SLC7A8: variants seen among roughly 807,000 people sequenced by gnomAD.
The protein encoded by SLC7A8 is large neutral amino acids transporter small subunit 2.
SLC7A8 carries 30 observed loss-of-function variants against 51.2 expected under a neutral mutation model. The ratio of observed to expected loss-of-function variants is 0.59; its 90% CI spans 0.44 to 0.80. The LOEUF is 0.80. SLC7A8 is among the 30% of genes least tolerant of loss of function. SLC7A8 has a pLI of 0.00. For missense variants in SLC7A8, 612 were observed against 674.4 expected (o/e 0.91, Z 1.03); for synonymous variants, 257 against 275.8 (o/e 0.93, Z 0.67).
chr14:23,137,737 C>T (rs1325599367), intron 7 of SLC7A8, among the ~76,000 whole-genome samples, 184 bp downstream of exon 7: 1 of 152,112 alleles, frequency 6.6e-6, no homozygotes, highest in Non-Finnish European at 1.5e-5. Flanking sequence ...ACCACGTGAG[C>T]AGCACACACT....
chr14:23,174,803 A>G (rs1229237149), intron 1 of SLC7A8, among the ~76,000 whole-genome samples: 1 of 152,182 alleles, frequency 6.6e-6, no homozygotes, highest in Admixed American at 6.5e-5. Context: ...GCGTTCTGGA[A>G]GGGGAAAGAA....
chr14:23,142,007 T>C (rs546323253), intron 4 of SLC7A8, among the ~76,000 whole-genome samples: 1 of 152,376 alleles, frequency 6.6e-6, no homozygotes, highest in South Asian at 2.1e-4. Flanking sequence ...TAGGAGGGAC[T>C]CACTATTTTT....
Position 23,173,924 on chromosome 14 carries a change from T to C in SLC7A8, c.152-7384A>G, listed in dbSNP as rs149145080. ...CCAAAGTGCTGGAATTACAAGTATG[T>C]GCCACCCCACCTGGCCAGCTTTGTT... On this transcript the variant is annotated intron_variant, in intron 1 of 10. Transcript: ENST00000316902. Among the ~76,000 whole-genome samples, 10 of 152,318 alleles carry C rather than the reference T, an allele frequency of 6.6e-5. No homozygotes were observed. In the East Asian group the frequency reaches 1.3e-3, roughly 21 times the overall value.
intron 3 of SLC7A8, among the ~76,000 whole-genome samples, chr14:23,146,126 G>A (rs974760270): frequency 2.6e-5 from 4 of 152,188 alleles, no homozygotes; most frequent in Non-Finnish European, 4.4e-5. Flanking sequence ...ACAAGGCTGC[G>A]CCCCTTCACC....
chr14:23,130,219 CCCT>C (rs2048619912), intron 8 of SLC7A8: 1 of 156,502 alleles, frequency 6.4e-6, no homozygotes, highest in Non-Finnish European at 1.4e-5. Context: ...TGTATTCCTG[CCCT>C]CATCCTTTTC....
chr14:23,129,451 A>G (rs1172468928), intron 9 of SLC7A8, 199 bp downstream of exon 9: 4 of 573,962 alleles, frequency 7.0e-6, no homozygotes, highest in African/African-American at 5.7e-5. Context: ...CCCCAGCTGC[A>G]GTCTGCTCCG....
Position 23,128,161 on chromosome 14 carries a change from G to A in SLC7A8, c.1299C>T (p.Phe433=). 1 of 1,614,210 alleles carries A rather than the reference G, an allele frequency of 6.2e-7. No individual in the cohort carries two copies. The highest frequency in any genetic ancestry group is 1.1e-5 in the South Asian group (1 of 91,080). The change falls in exon 10 of 11, where the codon TTC becomes TTT. Residue 433 remains phenylalanine, a synonymous_variant. Coordinates refer to ENST00000316902, the MANE Select transcript of SLC7A8 (RefSeq NM_012244.4). This position sits in a 1 kb window ranked among gnomAD's most constrained non-coding sequence, Gnocchi z 4.3. ...GGCTGAAGACCAGCAGGAAGGCCCA[G>A]AACAGCAAGTAGATGATGGGGAACA... ...NLLFPIIYLL[F]WAFLLVFSLW... is the part of the protein sequence containing the mutation.
Position 23,180,621 on chromosome 14 carries a change from T to A in SLC7A8, c.151+2143A>T, listed in dbSNP as rs192711043. On this transcript the variant is annotated intron_variant, in intron 1 of 10. Coordinates refer to ENST00000316902, the MANE Select transcript of SLC7A8 (RefSeq NM_012244.4). ...TTACTGTAATGCCACCATGGGGAGCTTTGAGATTATTCTCCCATTGAAGTA... is the reference window on the plus strand; with the variant it reads ...TTACTGTAATGCCACCATGGGGAGCATTGAGATTATTCTCCCATTGAAGTA... Among the ~76,000 whole-genome samples the A allele has an allele frequency of 1.2e-3, 189 of 152,316 alleles. 1 individual carries two copies. Among genetic ancestry groups the A allele is most frequent in the Admixed American group, 5.9e-4 (9 of 15,294 alleles).
At chr14:23,174,221 C>G (rs1443952225) in intron 1 of SLC7A8, among the ~76,000 whole-genome samples, 1 of 152,246 alleles carries the variant, frequency 6.6e-6, no homozygotes, top group African/African-American at 2.4e-5. Flanking sequence ...ACTAAACACT[C>G]TCTGCAGAAC....
chr14:23,168,821 A>G (rs1873905964), intron 1 of SLC7A8, among the ~76,000 whole-genome samples: 1 of 152,176 alleles, frequency 6.6e-6, no homozygotes, highest in East Asian at 1.9e-4. Context: ...TCACTCTGAC[A>G]TTTCGAGTAT....
chr14:23,160,104 G>A (rs1354877123), intron 3 of SLC7A8, among the ~76,000 whole-genome samples: 6 of 152,196 alleles, frequency 3.9e-5, no homozygotes, highest in Admixed American at 3.3e-4. Flanking sequence ...CAGTCTCCAA[G>A]AGAATGGGGA....
chr14:23,138,028 G>A lies in SLC7A8; in HGVS notation c.913-4C>T, dbSNP rs892364514. ...CTAGGAGCTTCTCTCCAAAAGTCTG[G>A]GAGAGGAACCAAGGAGATAAGCAAA... is the stretch of plus-strand genomic sequence containing the variant. On this transcript the variant is annotated splice_region_variant and splice_polypyrimidine_tract_variant and intron_variant, in intron 6 of 10. Transcript: ENST00000316902. The A allele has an allele frequency of 6.2e-6, 10 of 1,613,662 alleles. No homozygotes were observed. The African/African-American group carries it at 1.2e-4, about 19-fold the overall frequency.
At chr14:23,131,999 A>AT (rs1201371313) in intron 7 of SLC7A8, among the ~76,000 whole-genome samples, 8,359 of 98,172 alleles carry the variant, frequency 0.085, 436 homozygotes, top group African/African-American at 0.12. Context: ...AAAACACTCT[A>AT]TTTTTTTTTT....
intron 7 of SLC7A8, among the ~76,000 whole-genome samples, chr14:23,135,331 C>T (rs998912580): frequency 8.6e-5 from 13 of 151,054 alleles, no homozygotes; most frequent in Non-Finnish European, 1.5e-4. Context: ...CCTTGTGATC[C>T]GCCCGCCTCA....
intron 8 of SLC7A8, 103 bp from the exon 9 acceptor site, chr14:23,129,902 T>C (rs2048616751): frequency 2.3e-6 from 3 of 1,290,186 alleles, no homozygotes; most frequent in South Asian, 1.4e-5. Flanking sequence ...GATGCCATCG[T>C]ATAATGGATG....
intron 3 of SLC7A8, chr14:23,154,239 GGT>G: frequency 1.0e-6 from 1 of 999,960 alleles, no homozygotes; most frequent in South Asian, 4.7e-5. Flanking sequence ...CTGCCAGAAG[GGT>G]TGGCTTCTCA....
chr14:23,157,419 C>A (rs1312308296), intron 3 of SLC7A8, among the ~76,000 whole-genome samples: 13 of 152,228 alleles, frequency 8.5e-5, no homozygotes, highest in Admixed American at 8.5e-4. Context: ...TTTAGCTTTG[C>A]AGCATGACTC....
chr14:23,159,578 GTGAAGGC>G (rs2048910860), intron 3 of SLC7A8, among the ~76,000 whole-genome samples: 1 of 152,250 alleles, frequency 6.6e-6, no homozygotes, highest in African/African-American at 2.4e-5. Context: ...GGTAGAGAAT[GTGAAGGC>G]TCAAGGGAAA....
rs146062170 is a variant in SLC7A8, at chr14:23,144,866, C to T, written c.509-1662G>A. ...AGACGAGGAACAAAGTTTGTTCCTT[C>T]TCTCTAGAACAATCCCAGACCACTT... is the stretch of plus-strand genomic sequence containing the variant. On this transcript the variant is annotated intron_variant, in intron 3 of 10. Transcript: ENST00000316902. Among the ~76,000 whole-genome samples the T allele has an allele frequency of 1.2e-3, 188 of 152,012 alleles. 1 individual carries two copies. The highest frequency in any genetic ancestry group is 4.3e-3 in the African/African-American group (178 of 41,462).
Sources: gnomAD v4.1 joint callset for allele counts (sites outside exome capture counted in the v4.1 genomes callset) on GRCh38, gnomAD v4.1.1 for gene constraint, Gnocchi (gnomAD v3.1) non-coding constraint, MANE v1.5 for transcripts, NCBI Gene and HGNC (gene_info 2026-07-23, HGNC 2026-07-21) for gene names.